Variants in YEATS2 observed in about 807,000 individuals in gnomAD.
The protein encoded by YEATS2 is YEATS domain-containing protein 2.
In YEATS2, 77 loss-of-function variants were observed where a neutral mutation model predicts 163.2. The observed-to-expected ratio is 0.47, with a 90% CI of 0.39 to 0.57. YEATS2 has a LOEUF of 0.57. YEATS2 is among the 20% of genes least tolerant of loss of function. The pLI is 0.00. For synonymous variants in YEATS2, 631 were observed against 645.1 expected (o/e 0.98, Z 0.33); for missense variants, 1,549 against 1,729.8 (o/e 0.90, Z 1.85).
chr3:183,721,877 T>C lies in YEATS2; in HGVS notation c.292-14T>C. 1 of 1,608,668 alleles carries C rather than the reference T, an allele frequency of 6.2e-7. No homozygotes were observed. Among genetic ancestry groups the C allele is most frequent in the Non-Finnish European group, 8.5e-7 (1 of 1,177,238 alleles). On this transcript the variant is annotated splice_polypyrimidine_tract_variant and intron_variant, in intron 4 of 30. Coordinates refer to ENST00000305135, the MANE Select transcript of YEATS2 (RefSeq NM_018023.5). ...TTGATTAAAAATTTATTTGCTTGCT[T>C]TCATTTTTTGTAGGGATCAAAGACA...
intron 5 of YEATS2, among the ~76,000 whole-genome samples, chr3:183,722,770 A>G (rs1716662516): frequency 6.6e-6 from 1 of 151,980 alleles, no homozygotes; most frequent in African/African-American, 2.4e-5. Flanking sequence ...TTCCTGTCTC[A>G]GCCTCCCAAG....
chr3:183,719,290 C>G (rs1716249533), intron 4 of YEATS2, among the ~76,000 whole-genome samples: 1 of 151,998 alleles, frequency 6.6e-6, no homozygotes, highest in Non-Finnish European at 1.5e-5. Flanking sequence ...CATGCGCCAC[C>G]ATGCCTGGCT....
chr3:183,808,940 A>C, intron 29 of YEATS2, 157 bp from the exon 30 acceptor site: 122 of 512,360 alleles, frequency 2.4e-4, no homozygotes, highest in East Asian at 2.7e-4. Context: ...CTTTATCATT[A>C]TGGTCTATTA....
At chr3:183,755,115 A>C (rs1357031063) in intron 11 of YEATS2, among the ~76,000 whole-genome samples, 1 of 151,980 alleles carries the variant, frequency 6.6e-6, no homozygotes, top group East Asian at 1.9e-4. Context: ...TCTAATTGGT[A>C]GGCAATTTTT....
At chr3:183,805,244 TAC>T (rs1173872986) in intron 27 of YEATS2, among the ~76,000 whole-genome samples, 1 of 148,832 alleles carries the variant, frequency 6.7e-6, no homozygotes, top group Non-Finnish European at 1.5e-5. Flanking sequence ...CTACAAAAAT[TAC>T]AAAAATTACC....
chr3:183,758,783 G>A (rs1290248771), intron 12 of YEATS2, 79 bp from the exon 13 acceptor site: 2 of 955,232 alleles, frequency 2.1e-6, no homozygotes, highest in Admixed American at 2.3e-5. Flanking sequence ...GCGAAAGAGG[G>A]GAGGATGGTA....
intron 1 of YEATS2, among the ~76,000 whole-genome samples, chr3:183,700,698 G>T (rs1392192292): frequency 6.9e-6 from 1 of 144,592 alleles, no homozygotes; most frequent in Non-Finnish European, 1.5e-5. Context: ...TTGAACCCGG[G>T]AGGTGGAGGT....
chr3:183,740,101 A>G (rs1718785113), intron 8 of YEATS2, among the ~76,000 whole-genome samples: 2 of 138,444 alleles, frequency 1.4e-5, no homozygotes, highest in African/African-American at 5.4e-5. Flanking sequence ...GCCAAAATTG[A>G]CAAATGGGAT....
chr3:183,715,104 C>T (rs1338924416), intron 1 of YEATS2, 40 bp from the exon 2 acceptor site: 4 of 1,306,752 alleles, frequency 3.1e-6, no homozygotes, highest in East Asian at 4.7e-5. Context: ...AACTATTTAA[C>T]TGAATAATTA....
chr3:183,772,770 CACACACACCCACAT>C (rs1043378606), intron 16 of YEATS2, among the ~76,000 whole-genome samples: 1 of 151,406 alleles, frequency 6.6e-6, no homozygotes, highest in Non-Finnish European at 1.5e-5. Flanking sequence ...CACACACACA[CACACACACCCACAT>C]ACACACACAC....
In YEATS2 at chr3:183,810,602, G is replaced by C; in HGVS notation, c.*19G>C. 1 of 1,608,652 alleles carries C rather than the reference G, an allele frequency of 6.2e-7. No homozygotes were observed. Among genetic ancestry groups the C allele is most frequent in the South Asian group, 1.1e-5 (1 of 90,762 alleles). ...CCAGTGAGCGGAGTGAGGTGCCCTGGAGAAGCAGGCTTTGAAGGCACAGCG... is the reference window on the plus strand; with the variant it reads ...CCAGTGAGCGGAGTGAGGTGCCCTGCAGAAGCAGGCTTTGAAGGCACAGCG... On this transcript the variant is annotated 3_prime_UTR_variant, in exon 31 of 31. Transcript: ENST00000305135.
At chr3:183,698,260 G>T (rs1713689709) in intron 1 of YEATS2, among the ~76,000 whole-genome samples, 1 of 152,206 alleles carries the variant, frequency 6.6e-6, no homozygotes, top group Admixed American at 6.5e-5. Flanking sequence ...AGGGGATACG[G>T]GACCCCGAGC....
intron 9 of YEATS2, among the ~76,000 whole-genome samples, chr3:183,748,530 C>CAAAGTGCT (rs1719810468): frequency 1.3e-5 from 2 of 152,196 alleles, no homozygotes; most frequent in African/African-American, 2.4e-5. Context: ...TTTGGCCTCC[C>CAAAGTGCT]AAAGTGCTGG....
intron 15 of YEATS2, among the ~76,000 whole-genome samples, chr3:183,770,630 C>T (rs1404537662): frequency 2.6e-5 from 4 of 152,172 alleles, no homozygotes; most frequent in East Asian, 1.9e-4. Context: ...TTGTTCTTCC[C>T]AGAGGCAACA....
chr3:183,773,420 C>T (rs1722671702), intron 16 of YEATS2, among the ~76,000 whole-genome samples: 1 of 152,194 alleles, frequency 6.6e-6, no homozygotes, highest in Non-Finnish European at 1.5e-5. Context: ...TATAAAGAGC[C>T]TCTGGCAGGC....
chr3:183,781,674 T>C (rs955134039), intron 19 of YEATS2, among the ~76,000 whole-genome samples: 1 of 152,152 alleles, frequency 6.6e-6, no homozygotes, highest in Admixed American at 6.5e-5. Context: ...CTTAAAGATA[T>C]AATAAAATAA....
chr3:183,718,647 G>A, intron 4 of YEATS2, 55 bp downstream of exon 4: 2 of 1,344,310 alleles, frequency 1.5e-6, no homozygotes, highest in Non-Finnish European at 2.1e-6. Flanking sequence ...GTTGTCTGAG[G>A]GGAAGTTATG....
intron 22 of YEATS2, among the ~76,000 whole-genome samples, chr3:183,798,543 G>A (rs552739454): frequency 6.6e-6 from 1 of 152,046 alleles, no homozygotes; most frequent in African/African-American, 2.4e-5. Context: ...TAGTAAAGAT[G>A]GGGTTTCACC....
chr3:183,706,644 C>T (rs1714646258), intron 1 of YEATS2, among the ~76,000 whole-genome samples: 1 of 152,126 alleles, frequency 6.6e-6, no homozygotes, highest in Non-Finnish European at 1.5e-5. Flanking sequence ...TGGAGAAACC[C>T]CGTCTCTACT....
Sources: allele counts gnomAD v4.1 joint callset (sites outside exome capture counted in the v4.1 genomes callset), GRCh38; gene constraint gnomAD v4.1.1; transcripts MANE v1.5; gene names NCBI Gene and HGNC (gene_info 2026-07-23, HGNC 2026-07-21).